EYA2: variants seen among roughly 807,000 people sequenced by gnomAD.
The protein encoded by EYA2 is EYA transcriptional coactivator and phosphatase 2, also known as protein phosphatase EYA2.
In EYA2, 31 loss-of-function variants were observed where a neutral mutation model predicts 69.2. The ratio of observed to expected loss-of-function variants is 0.45; its 90% confidence interval spans 0.34 to 0.60. EYA2 has a LOEUF of 0.60. EYA2 is among the 20% of genes least tolerant of loss of function. The pLI is 0.02. For synonymous variants in EYA2, 257 were observed against 279.4 expected (o/e 0.92, Z 0.80); for missense variants, 622 against 701.2 (o/e 0.89, Z 1.28).
intron 5 of EYA2, among the ~76,000 whole-genome samples, chr20:47,027,645 T>A (rs757633670): frequency 2.6e-5 from 4 of 152,166 alleles, no homozygotes; most frequent in Non-Finnish European, 5.9e-5. Flanking sequence ...CGGAAACAGC[T>A]GGAGAGATTG....
At chr20:46,980,153 C>T (rs1453510738) in intron 1 of EYA2, among the ~76,000 whole-genome samples, 2 of 152,168 alleles carry the variant, frequency 1.3e-5, no homozygotes, top group African/African-American at 4.8e-5. Context: ...GTTGAGAATC[C>T]TGACTCTACC....
intron 1 of EYA2, among the ~76,000 whole-genome samples, chr20:46,944,995 T>A (rs1978368041): frequency 6.6e-6 from 1 of 152,016 alleles, no homozygotes; most frequent in South Asian, 2.1e-4. Context: ...TCCTAGCTAC[T>A]CAGGAGGCTG....
At position 47,005,025 on chromosome 20, in the gene EYA2, A is replaced by G; in HGVS notation, c.239A>G (p.Gln80Arg). 1 of 1,614,048 alleles carries G rather than the reference A, an allele frequency of 6.2e-7. No individual in the cohort carries two copies. Among genetic ancestry groups the G allele is most frequent in the Non-Finnish European group, 8.5e-7 (1 of 1,179,954 alleles). ...ACGCAGTACAGTGCGGGGATCCAGC[A>G]GGCTACCCCCTATACAGCTTACCCA... ...GQTQYSAGIQ[Q>R]ATPYTAYPPP... The change falls in exon 4 of 16, where the codon CAG (glutamine) becomes CGG (arginine). Residue 80 changes from glutamine to arginine, a missense_variant. Coordinates refer to ENST00000327619, the MANE Select transcript of EYA2 (RefSeq NM_005244.5).
At chr20:47,063,420 TG>T (rs1190824229) in intron 5 of EYA2, among the ~76,000 whole-genome samples, 12 of 151,584 alleles carry the variant, frequency 7.9e-5, no homozygotes, top group Non-Finnish European at 2.9e-5. Context: ...TGTGTGTGTG[TG>T]TGTGTGTGTT....
chr20:46,952,177 T>G, intron 1 of EYA2, among the ~76,000 whole-genome samples: 1 of 150,858 alleles, frequency 6.6e-6, no homozygotes, highest in African/African-American at 2.4e-5. Context: ...TAAGGTAGGG[T>G]GGTCAGGGAG....
intron 5 of EYA2, among the ~76,000 whole-genome samples, chr20:47,022,352 C>T (rs1487325339): frequency 2.0e-5 from 3 of 152,186 alleles, no homozygotes; most frequent in East Asian, 3.9e-4. Context: ...CTCACTTTGT[C>T]GTCCAGGCTG....
intron 2 of EYA2, chr20:46,997,846 C>T (rs1390378001): frequency 4.6e-5 from 7 of 152,324 alleles, no homozygotes; most frequent in African/African-American, 1.7e-4. Context: ...GCATTGCTGC[C>T]TTCATCACCC....
At chr20:47,002,469 T>A (rs1010782512) in intron 3 of EYA2, among the ~76,000 whole-genome samples, 1 of 152,354 alleles carries the variant, frequency 6.6e-6, no homozygotes, top group Non-Finnish European at 1.5e-5. Flanking sequence ...TGGTTTTCTG[T>A]TCCTGCATTA....
At chr20:46,927,553 C>T (rs774873347) in intron 1 of EYA2, among the ~76,000 whole-genome samples, 68 of 152,214 alleles carry the variant, frequency 4.5e-4, no homozygotes, top group East Asian at 7.7e-4. Flanking sequence ...TCTTACATGG[C>T]GGCATGCAAG....
At chr20:47,142,999 G>A in intron 9 of EYA2, 60 bp from the exon 10 acceptor site, 23 of 1,516,912 alleles carry the variant, frequency 1.5e-5, no homozygotes, top group Non-Finnish European at 1.9e-5. Flanking sequence ...GGGACCAAAA[G>A]GGTAGCTAAG....
chr20:46,917,438 G>A (rs1984959325), intron 1 of EYA2, among the ~76,000 whole-genome samples: 1 of 152,210 alleles, frequency 6.6e-6, no homozygotes, highest in Non-Finnish European at 1.5e-5. Context: ...TGACTCTCAG[G>A]CTGCACAAAC....
intron 1 of EYA2, among the ~76,000 whole-genome samples, chr20:46,933,785 C>T (rs1220201653): frequency 6.6e-6 from 1 of 152,158 alleles, no homozygotes; most frequent in Non-Finnish European, 1.5e-5. Context: ...TTAGTCTTGC[C>T]TATGGGGCTT....
At chr20:47,032,945 G>A (rs1211073024) in intron 5 of EYA2, among the ~76,000 whole-genome samples, 2 of 152,152 alleles carry the variant, frequency 1.3e-5, no homozygotes, top group Non-Finnish European at 2.9e-5. Flanking sequence ...TGCTGTCCCC[G>A]TATGTGTCTC....
intron 9 of EYA2, among the ~76,000 whole-genome samples, chr20:47,140,406 A>G (rs1199737234): frequency 6.6e-6 from 1 of 152,058 alleles, no homozygotes; most frequent in African/African-American, 2.4e-5. Flanking sequence ...TGTGTGTGTG[A>G]AGCTGAGATC....
At chr20:46,926,139 T>G (rs760228034) in intron 1 of EYA2, among the ~76,000 whole-genome samples, 1 of 152,094 alleles carries the variant, frequency 6.6e-6, no homozygotes, top group Non-Finnish European at 1.5e-5. Context: ...ATAAAGAAAA[T>G]TTGAAAGGCT....
chr20:47,149,560 T>G (rs1208392956), intron 10 of EYA2, among the ~76,000 whole-genome samples: 1 of 151,752 alleles, frequency 6.6e-6, no homozygotes, highest in East Asian at 1.9e-4. Flanking sequence ...AACACAAGTT[T>G]GGGCCAGGCA....
intron 4 of EYA2, among the ~76,000 whole-genome samples, chr20:47,007,954 T>C (rs1211747736): frequency 6.6e-6 from 1 of 152,074 alleles, no homozygotes; most frequent in South Asian, 2.1e-4. Context: ...CACTGGCTGC[T>C]GTGGTGAGGC....
At chr20:46,962,785 C>T (rs1285740644) in intron 1 of EYA2, among the ~76,000 whole-genome samples, 2 of 152,240 alleles carry the variant, frequency 1.3e-5, no homozygotes, top group African/African-American at 4.8e-5. Flanking sequence ...CTCTCAGGGC[C>T]TTGCCCACAT....
chr20:47,124,966 G>A (rs1255360122), intron 9 of EYA2, among the ~76,000 whole-genome samples: 2 of 150,030 alleles, frequency 1.3e-5, no homozygotes, highest in African/African-American at 4.9e-5. Flanking sequence ...TCTTAAATTT[G>A]ACCATGATTT....
Sources: allele counts gnomAD v4.1 joint callset (sites outside exome capture counted in the v4.1 genomes callset), GRCh38; gene constraint gnomAD v4.1.1; transcripts MANE v1.5; gene names NCBI Gene and HGNC (gene_info 2026-07-23, HGNC 2026-07-21).